The following FCHSD2 variants were observed in gnomAD, a reference collection of about 807,000 sequenced individuals.
FCHSD2 encodes F-BAR and double SH3 domains protein 2.
FCHSD2 carries 38 observed loss-of-function variants against 108.1 expected under a neutral mutation model. The ratio of observed to expected loss-of-function variants is 0.35; its 90% CI spans 0.27 to 0.46. The LOEUF (loss-of-function observed/expected upper bound fraction) is 0.46. FCHSD2 is among the 20% of genes least tolerant of loss of function. The probability of loss-of-function intolerance (pLI) is 1.00; values close to 1 mark genes in which losing one functional copy is unlikely to be tolerated. For missense variants in FCHSD2, 751 were observed against 897.8 expected (o/e 0.84, Z 2.09); for synonymous variants, 279 against 314.7 (o/e 0.89, Z 1.20).
intron 8 of FCHSD2, among the ~76,000 whole-genome samples, chr11:72,927,451 G>T (rs1409028537): frequency 6.6e-6 from 1 of 152,194 alleles, no homozygotes; most frequent in East Asian, 1.9e-4. Context: ...CTCTGATGGG[G>T]GATGTTGATA....
At chr11:72,864,435 C>T (rs954448826) in intron 13 of FCHSD2, among the ~76,000 whole-genome samples, 1 of 152,086 alleles carries the variant, frequency 6.6e-6, no homozygotes, top group African/African-American at 2.4e-5. Flanking sequence ...GTCCCAGCTA[C>T]TCAGGAGGCT....
At chr11:73,072,699 A>G (rs558231079) in intron 3 of FCHSD2, among the ~76,000 whole-genome samples, 2 of 152,310 alleles carry the variant, frequency 1.3e-5, no homozygotes, top group African/African-American at 4.8e-5. Flanking sequence ...TGGCAGAAAG[A>G]AAAGCTCCAA....
chr11:72,901,353 C>T (rs1022871366), intron 10 of FCHSD2, among the ~76,000 whole-genome samples: 5 of 152,006 alleles, frequency 3.3e-5, no homozygotes, highest in East Asian at 1.9e-4. Context: ...GCTGAGATCA[C>T]GCTACTGCCC....
chr11:73,116,692 T>A (rs1053579908), intron 2 of FCHSD2, among the ~76,000 whole-genome samples: 2 of 152,220 alleles, frequency 1.3e-5, no homozygotes, highest in East Asian at 3.9e-4. Flanking sequence ...TACACCACCA[T>A]GCCCAGCTAA....
rs964793207 is a variant in FCHSD2 at position 72,957,568 on chromosome 11, TG to T, written c.705+26519del. On this transcript the variant is annotated intron_variant, in intron 8 of 19. Transcript: ENST00000409418. ...GGCAACTAGATTTAATAAATGATCC[TG>T]GATTGGATCTCAAGTCAGAAATAAA... Among the ~76,000 whole-genome samples the T allele has an allele frequency of 2.4e-4, 36 of 150,880 alleles. 1 individual carries two copies. Among genetic ancestry groups the T allele is most frequent in the African/African-American group, 8.3e-4 (34 of 40,894 alleles).
At chr11:72,929,460 G>A (rs548956591) in intron 8 of FCHSD2, among the ~76,000 whole-genome samples, 5 of 152,234 alleles carry the variant, frequency 3.3e-5, no homozygotes, top group Middle Eastern at 3.4e-3. Flanking sequence ...TGGCCTGGGT[G>A]GATTATTGCT....
intron 2 of FCHSD2, among the ~76,000 whole-genome samples, chr11:73,136,748 G>C (rs547504717): frequency 6.6e-6 from 1 of 152,136 alleles, no homozygotes; most frequent in African/African-American, 2.4e-5. Flanking sequence ...CCCAAGTTCG[G>C]GCCAGGCGCA....
chr11:72,989,672 G>C, intron 5 of FCHSD2, among the ~76,000 whole-genome samples: 2 of 152,202 alleles, frequency 1.3e-5, no homozygotes, highest in Middle Eastern at 6.8e-3. Context: ...ATATACATTC[G>C]AGGAGAAGGG....
At chr11:72,942,567 G>A (rs2135344133) in intron 8 of FCHSD2, among the ~76,000 whole-genome samples, 1 of 152,228 alleles carries the variant, frequency 6.6e-6, no homozygotes, top group South Asian at 2.1e-4. Flanking sequence ...AGTAAGAGTG[G>A]TTTACTGTTA....
At chr11:72,965,496 T>C (rs1182601683) in intron 8 of FCHSD2, among the ~76,000 whole-genome samples, 2 of 152,250 alleles carry the variant, frequency 1.3e-5, no homozygotes, top group Non-Finnish European at 2.9e-5. Context: ...TTCCTTCTAT[T>C]TCCTATGTTC....
rs533930803 is a variant in FCHSD2, at chr11:72,922,071, C to T, written c.706-121G>A. ...AAATTTATTATTAATAATAAATGGA[C>T]AAAAGATACAGATTGTAAGTAAATA... On this transcript the variant is annotated intron_variant, in intron 8 of 19. Coordinates refer to ENST00000409418, the MANE Select transcript of FCHSD2 (RefSeq NM_014824.3). 2.1e-5 allele frequency: 13 copies of T among 619,044 alleles called. No individual in the cohort carries two copies. In the African/African-American group the frequency reaches 2.4e-4, roughly 11 times the overall value. The allele number at this position is 619,044 out of a possible 1,614,324, so 38.3% of individuals were successfully genotyped here.
At chr11:72,986,313 C>T (rs1408266491) in intron 6 of FCHSD2, among the ~76,000 whole-genome samples, 1 of 152,034 alleles carries the variant, frequency 6.6e-6, no homozygotes, top group Admixed American at 6.6e-5. Context: ...GGGTTCATGC[C>T]ATTCTCCTGC....
chr11:72,872,824 G>A (rs1194712053), intron 12 of FCHSD2, among the ~76,000 whole-genome samples: 2 of 152,256 alleles, frequency 1.3e-5, no homozygotes, highest in African/African-American at 2.4e-5. Context: ...TGGCATTGCT[G>A]GATCATGAAG....
At chr11:72,925,989 G>A (rs576289180) in intron 8 of FCHSD2, among the ~76,000 whole-genome samples, 15 of 152,332 alleles carry the variant, frequency 9.8e-5, no homozygotes, top group East Asian at 9.7e-4. Context: ...GGGGAGGGCC[G>A]GGAAGGGCCC....
At chr11:73,024,117 A>G (rs1272474902) in intron 3 of FCHSD2, among the ~76,000 whole-genome samples, 1 of 152,128 alleles carries the variant, frequency 6.6e-6, no homozygotes, top group Non-Finnish European at 1.5e-5. Flanking sequence ...GACAATACCC[A>G]CAGAACTTTG....
chr11:73,121,979 A>G (rs1466604599), intron 2 of FCHSD2, among the ~76,000 whole-genome samples: 1 of 152,250 alleles, frequency 6.6e-6, no homozygotes, highest in East Asian at 1.9e-4. Flanking sequence ...TACTTAGGAT[A>G]TAATGTTTCA....
chr11:73,076,395 A>T (rs1859550729), intron 3 of FCHSD2, among the ~76,000 whole-genome samples: 1 of 152,252 alleles, frequency 6.6e-6, no homozygotes, highest in Non-Finnish European at 1.5e-5. Flanking sequence ...ATAGTAAAAC[A>T]TGTAAGAACC....
chr11:73,027,493 T>C (rs1202856787), intron 3 of FCHSD2, among the ~76,000 whole-genome samples: 1 of 152,170 alleles, frequency 6.6e-6, no homozygotes, highest in African/African-American at 2.4e-5. Flanking sequence ...AAAGAGATGG[T>C]CTAAAATTGG....
intron 9 of FCHSD2, among the ~76,000 whole-genome samples, chr11:72,915,645 C>T (rs552202053): frequency 6.6e-6 from 1 of 152,090 alleles, no homozygotes; most frequent in South Asian, 2.1e-4. Flanking sequence ...AAGGCAAAAC[C>T]CCAGCTCTAC....
Sources: allele counts gnomAD v4.1 joint callset (sites outside exome capture counted in the v4.1 genomes callset), GRCh38; gene constraint gnomAD v4.1.1; transcripts MANE v1.5; gene names NCBI Gene and HGNC (gene_info 2026-07-23, HGNC 2026-07-21).